The following CEP192 variants were observed in gnomAD, a reference collection of about 807,000 sequenced individuals.
CEP192 encodes the protein centrosomal protein 192.
Under a neutral mutation model 271.8 loss-of-function variants are expected in CEP192, and 151 were observed. The observed-to-expected ratio is 0.56, with a 90% confidence interval of 0.49 to 0.64. The LOEUF is 0.64. CEP192 is among the 30% of genes least tolerant of loss of function. The pLI, the probability that CEP192 is intolerant of heterozygous loss-of-function variation, is 0.00. For missense variants in CEP192, 2,910 were observed against 3,020.5 expected (o/e 0.96, Z 0.86); for synonymous variants, 995 against 1,076.5 (o/e 0.92, Z 1.48).
At chr18:13,000,988 TCTTTA>T (rs1222366737) in intron 2 of CEP192, among the ~76,000 whole-genome samples, 4 of 152,198 alleles carry the variant, frequency 2.6e-5, no homozygotes, top group African/African-American at 9.6e-5. Context: ...GCTTTTATTT[TCTTTA>T]CTTTTAAAAT....
intron 15 of CEP192, among the ~76,000 whole-genome samples, chr18:13,043,129 C>T (rs911391189): frequency 1.3e-5 from 2 of 152,190 alleles, no homozygotes; most frequent in Non-Finnish European, 2.9e-5. Context: ...TGTACATTTC[C>T]CTGATTACTA....
chr18:13,095,434 T>C, intron 34 of CEP192, 69 bp from the exon 35 acceptor site: 1 of 1,209,400 alleles, frequency 8.3e-7, no homozygotes, highest in Non-Finnish European at 1.2e-6. Flanking sequence ...CAATCTGGCC[T>C]TTTATCATTT....
intron 1 of CEP192, among the ~76,000 whole-genome samples, chr18:12,992,563 C>G (rs936559262): frequency 2.6e-5 from 4 of 151,872 alleles, no homozygotes; most frequent in African/African-American, 9.7e-5. Flanking sequence ...AAAATATTGT[C>G]TTCACTTGAG....
chr18:12,999,574 C>G lies in CEP192; in HGVS notation c.150C>G (p.Ser50=). ...VAVSTLARDR[S]STDNRYPDIQ... is the part of the protein sequence containing the mutation. The stretch of plus-strand genomic sequence containing the variant: ...TTTCTACACTTGCTAGGGATAGATC[C>G]AGCACTGATAACAGGTAAGATTTGT... The change falls in exon 2 of 45, where the codon TCC becomes TCG. Residue 50 remains serine, a synonymous_variant. Coordinates refer to ENST00000506447, the MANE Select transcript of CEP192 (RefSeq NM_032142.4). 6.5e-7 allele frequency: 1 copy of G among 1,540,520 alleles called. No individual in the cohort carries two copies. The highest frequency in any genetic ancestry group is 8.7e-7 in the Non-Finnish European group (1 of 1,143,946).
Position 13,100,357 on chromosome 18 carries a change from C to G in CEP192, c.6716C>G (p.Thr2239Ser). The G allele has an allele frequency of 6.2e-7, 1 of 1,614,040 alleles. No homozygotes were observed. Among genetic ancestry groups the G allele is most frequent in the Non-Finnish European group, 8.5e-7 (1 of 1,179,964 alleles). Residue 2239 changes from threonine to serine, a missense_variant, in exon 38 of 45, where the codon ACT (threonine) becomes AGT (serine). Thr to Ser is a moderately conservative substitution (Grantham distance 58). Transcript: ENST00000506447. ...REDLTQVELL[T>S]RLTSKPFGIL... The stretch of plus-strand genomic sequence containing the variant: ...GATTTAACTCAAGTGGAACTTTTAA[C>G]TCGTTTGACCTCCAAACCATTTGGA...
At chr18:13,084,213 TG>T (rs1181098568) in intron 30 of CEP192, among the ~76,000 whole-genome samples, 2 of 152,194 alleles carry the variant, frequency 1.3e-5, no homozygotes, top group African/African-American at 4.8e-5. Context: ...TTTTCAGCTA[TG>T]CCCTGCCCCT....
At chr18:13,084,828 T>G (rs1199750416) in intron 30 of CEP192, among the ~76,000 whole-genome samples, 1 of 151,834 alleles carries the variant, frequency 6.6e-6, no homozygotes, top group Non-Finnish European at 1.5e-5. Context: ...TCCTTTTTTT[T>G]TTTGAGACAG....
At chr18:13,055,227 C>T (rs1460567824) in intron 18 of CEP192, among the ~76,000 whole-genome samples, 5 of 150,690 alleles carry the variant, frequency 3.3e-5, no homozygotes, top group Admixed American at 6.6e-5. Context: ...TGCAGTGAGC[C>T]GAGATTGCGC....
chr18:13,007,615 T>C (rs192257880), intron 3 of CEP192, among the ~76,000 whole-genome samples: 299 of 152,324 alleles, frequency 2.0e-3, no homozygotes, highest in South Asian at 5.0e-3. Flanking sequence ...TCCTTTCCTG[T>C]ACTCAATGAA....
intron 43 of CEP192, 92 bp from the exon 44 acceptor site, chr18:13,117,492 AT>A: frequency 1.1e-6 from 1 of 888,968 alleles, no homozygotes; most frequent in Non-Finnish European, 1.8e-6. Flanking sequence ...AATTTACAAA[AT>A]GTATCTGTAA....
Position 13,049,163 on chromosome 18 carries a change from G to A in CEP192, c.2372G>A (p.Ser791Asn), listed in dbSNP as rs776527726. Residue 791 changes from serine to asparagine, a missense_variant, in exon 16 of 45, where the codon AGT becomes AAT. Coordinates refer to ENST00000506447, the MANE Select transcript of CEP192 (RefSeq NM_032142.4). The stretch of plus-strand genomic sequence containing the variant: ...AAATACCTTAAAAAAACAGAAGTTA[G>A]TAGATATGAAAGTGCATTGGAAAAC... ...MEKYLKKTEVSRYESALENFS... is the reference protein window; with the variant it reads ...MEKYLKKTEVNRYESALENFS... 1 of 1,613,846 alleles carries A rather than the reference G, an allele frequency of 6.2e-7. No homozygotes were observed. The highest frequency in any genetic ancestry group is 2.2e-5 in the East Asian group (1 of 44,884).
Position 13,078,089 on chromosome 18 carries a change from C to T in CEP192, c.5616+4904C>T, listed in dbSNP as rs571044537. On this transcript the variant is annotated intron_variant, in intron 30 of 44. Coordinates refer to ENST00000506447, the MANE Select transcript of CEP192 (RefSeq NM_032142.4). ...TCCTAATGCTATTCCTCCCCTAGTC[C>T]CTCACCCCCTGACAGGCCCCAGTGT... Among the ~76,000 whole-genome samples the T allele has an allele frequency of 9.2e-5, 14 of 152,228 alleles. No individual in the cohort carries two copies. The East Asian group carries it at 2.7e-3, about 29-fold the overall frequency.
chr18:13,069,776 G>T lies in CEP192; in HGVS notation c.5094G>T (p.Lys1698Asn), dbSNP rs1373314125. Residue 1698 changes from lysine to asparagine, a missense_variant, in exon 27 of 45, where the codon AAG becomes AAT. Lys to Asn is a moderately conservative substitution (Grantham distance 94). Coordinates refer to ENST00000506447, the MANE Select transcript of CEP192 (RefSeq NM_032142.4). ...GAAGTCACTTTTCAGTGGATCCAAA[G>T]AATCTACTCCTTAAACCTGGAGAAG... is the stretch of plus-strand genomic sequence containing the variant. ...EQGSHFSVDP[K>N]NLLLKPGEEH... 1.9e-6 allele frequency: 3 copies of T among 1,598,894 alleles called. No individual in the cohort carries two copies. The highest frequency in any genetic ancestry group is 1.1e-5 in the South Asian group (1 of 90,642).
At chr18:13,066,983 G>GTGTGTGTGTGTGTGTGTGCC (rs2037739260) in intron 21 of CEP192, among the ~76,000 whole-genome samples, 2 of 151,796 alleles carry the variant, frequency 1.3e-5, no homozygotes, top group Non-Finnish European at 2.9e-5. Flanking sequence ...GTGTGTGTGT[G>GTGTGTGTGTGTGTGTGTGCC]TGTGTGTGTG....
At chr18:13,107,787 A>T (rs1317750230) in intron 40 of CEP192, among the ~76,000 whole-genome samples, 1 of 152,044 alleles carries the variant, frequency 6.6e-6, no homozygotes, top group Non-Finnish European at 1.5e-5. Flanking sequence ...AGCAAACAGC[A>T]CTGTGATACT....
intron 17 of CEP192, 22 bp downstream of exon 17, chr18:13,049,913 T>A (rs1337967520): frequency 6.3e-7 from 1 of 1,588,026 alleles, no homozygotes; most frequent in East Asian, 2.2e-5. Flanking sequence ...CCTTCTTTTT[T>A]AAAAAATAAA....
chr18:13,101,005 A>G (rs1429021141), intron 38 of CEP192, among the ~76,000 whole-genome samples: 1 of 152,194 alleles, frequency 6.6e-6, no homozygotes, highest in Non-Finnish European at 1.5e-5. Flanking sequence ...CGGTGGCTTG[A>G]CTTACCATTT....
intron 4 of CEP192, among the ~76,000 whole-genome samples, chr18:13,010,317 A>G (rs529338976): frequency 2.6e-4 from 40 of 152,300 alleles, no homozygotes; most frequent in African/African-American, 9.4e-4. Flanking sequence ...TGTAACTCCA[A>G]ACTAGTTCAG....
intron 3 of CEP192, 150 bp downstream of exon 3, chr18:13,001,732 C>G: frequency 1.2e-6 from 1 of 836,070 alleles, no homozygotes; most frequent in Non-Finnish European, 1.7e-6. Flanking sequence ...CGGAGTTTCA[C>G]TCACTCCATT....
Sources: allele counts gnomAD v4.1 joint callset (sites outside exome capture counted in the v4.1 genomes callset), GRCh38; gene constraint gnomAD v4.1.1; transcripts MANE v1.5; gene names NCBI Gene and HGNC (gene_info 2026-07-23, HGNC 2026-07-21).